KLRG1: variants seen among roughly 807,000 people sequenced by gnomAD.
KLRG1 encodes the protein killer cell lectin like receptor G1.
Under a neutral mutation model 21.8 loss-of-function variants are expected in KLRG1, and 16 were observed. The ratio of observed to expected loss-of-function variants is 0.73; its 90% CI spans 0.50 to 1.11. The LOEUF is 1.11. Ranked by LOEUF, KLRG1 falls within the 50% of genes most tolerant of loss-of-function variation. The pLI is 0.00. For synonymous variants in KLRG1, 69 were observed against 75.9 expected, an observed-to-expected ratio of 0.91 and a Z score of 0.47; for missense variants, 173 against 218.3, an observed-to-expected ratio of 0.79 and a Z score of 1.31.
At chr12:8,976,239 AT>A (rs1329960366) in intron 1 of KLRG1, among the ~76,000 whole-genome samples, 3 of 152,236 alleles carry the variant, frequency 2.0e-5, no homozygotes, top group Admixed American at 2.0e-4. Flanking sequence ...TCAAGAATAT[AT>A]TTTTTAGTTT....
the KLRG1 span, among the ~76,000 whole-genome samples, chr12:9,121,444 T>TG: frequency 6.6e-6 from 1 of 151,942 alleles, no homozygotes; most frequent in Non-Finnish European, 1.5e-5. This position sits in a 1 kb window ranked among gnomAD's most constrained non-coding sequence, Gnocchi z 4.4. Flanking sequence ...GGGAGACTGA[T>TG]GCACGAGAAT....
At chr12:9,119,834 G>C in the KLRG1 span, among the ~76,000 whole-genome samples, 1 of 152,154 alleles carries the variant, frequency 6.6e-6, no homozygotes, top group Non-Finnish European at 1.5e-5. Context: ...AAAAAGGAAA[G>C]TATTACTAAA....
At chr12:9,212,920 A>C in the KLRG1 span, among the ~76,000 whole-genome samples, 1 of 152,198 alleles carries the variant, frequency 6.6e-6, no homozygotes, top group African/African-American at 2.4e-5. Context: ...ATCACCCCCA[A>C]AAGAAACTAC....
chr12:9,113,226 A>G, the KLRG1 span: 5 of 853,086 alleles, frequency 5.9e-6, no homozygotes, highest in African/African-American at 1.7e-5. Flanking sequence ...CTTAATTTCT[A>G]TACTTAGTTT....
chr12:9,112,435 G>A, the KLRG1 span: 50 of 1,613,854 alleles, frequency 3.1e-5, no homozygotes, highest in South Asian at 5.5e-5. Flanking sequence ...GACTGTCCTC[G>A]TTCTTAACCA....
At chr12:9,185,478 G>C in the KLRG1 span, among the ~76,000 whole-genome samples, 1 of 152,202 alleles carries the variant, frequency 6.6e-6, no homozygotes, top group South Asian at 2.1e-4. Flanking sequence ...CCTTGAAAGA[G>C]ATGAGCATAA....
At chr12:9,077,197 C>T in the KLRG1 span, 4 of 849,932 alleles carry the variant, frequency 4.7e-6, no homozygotes, top group Non-Finnish European at 3.6e-6. Flanking sequence ...AATGGGCTGA[C>T]CAAATTCTCT....
chr12:9,093,352 T>C, the KLRG1 span: 1 of 700,678 alleles, frequency 1.4e-6, no homozygotes. Context: ...TATCAAAACA[T>C]CATGTTGTAC....
At chr12:9,181,186 G>T in the KLRG1 span, 2 of 1,608,790 alleles carry the variant, frequency 1.2e-6, no homozygotes, top group Admixed American at 3.4e-5. Flanking sequence ...CTGTGATCTT[G>T]CAGTCACCTG....
At chr12:9,185,870 T>C in the KLRG1 span, among the ~76,000 whole-genome samples, 1,209 of 145,072 alleles carry the variant, frequency 8.3e-3, 18 homozygotes, top group Middle Eastern at 0.031. Flanking sequence ...TGCAGTGGCA[T>C]GATCTCGGCT....
At chr12:9,077,667 T>G in the KLRG1 span, 7 of 1,608,766 alleles carry the variant, frequency 4.4e-6, no homozygotes, top group Non-Finnish European at 5.9e-6. Flanking sequence ...GATATCATAA[T>G]GGACAAATCA....
chr12:9,112,640 T>C, the KLRG1 span: 2 of 1,266,588 alleles, frequency 1.6e-6, no homozygotes, highest in Admixed American at 2.0e-5. Flanking sequence ...CTTACTTAAC[T>C]TCACTCCCTT....
the KLRG1 span, among the ~76,000 whole-genome samples, chr12:9,176,733 A>G: frequency 4.6e-5 from 7 of 152,220 alleles, no homozygotes; most frequent in Non-Finnish European, 1.0e-4. Flanking sequence ...ATTATGGACG[A>G]GTAACTCCTG....
chr12:9,134,469 ATATATTATTGTCGAC>A, the KLRG1 span, among the ~76,000 whole-genome samples: 1 of 152,186 alleles, frequency 6.6e-6, no homozygotes, highest in African/African-American at 2.4e-5. Context: ...TAAGTGTACA[ATATATTATTGTCGAC>A]TATAAGTACA....
chr12:8,997,034 G>A (rs760352409), intron 3 of KLRG1, among the ~76,000 whole-genome samples: 1 of 152,260 alleles, frequency 6.6e-6, no homozygotes, highest in East Asian at 1.9e-4. Flanking sequence ...CAGAATATCT[G>A]GGAAAATGGC....
exon 1 of KLRG1, chr12:8,950,082 C>T (rs1403647130): frequency 6.6e-6 from 1 of 152,214 alleles, no homozygotes; most frequent in Non-Finnish European, 1.5e-5. Flanking sequence ...CTTCCCTAGC[C>T]CGTTCGCCGC....
the KLRG1 span, chr12:9,201,024 G>A: frequency 2.5e-6 from 4 of 1,614,102 alleles, no homozygotes; most frequent in Admixed American, 3.3e-5. Flanking sequence ...TCTAGCTTGA[G>A]ACTCTGCCAT....
the KLRG1 span, chr12:9,076,903 C>T: frequency 6.8e-6 from 11 of 1,607,430 alleles, no homozygotes; most frequent in Non-Finnish European, 9.4e-6. Flanking sequence ...CAGGCTGACT[C>T]CAGGCAAAAC....
chr12:9,107,130 C>T, the KLRG1 span, among the ~76,000 whole-genome samples: 7 of 152,172 alleles, frequency 4.6e-5, no homozygotes, highest in African/African-American at 1.2e-4. Context: ...GGCTGGGAAG[C>T]GGCCTTCTAT....
Sources: gnomAD v4.1 joint callset for allele counts (sites outside exome capture counted in the v4.1 genomes callset) on GRCh38, gnomAD v4.1.1 for gene constraint, Gnocchi (gnomAD v3.1) non-coding constraint, MANE v1.5 for transcripts, NCBI Gene and HGNC (gene_info 2026-07-23, HGNC 2026-07-21) for gene names.